COL4A3: variants seen among roughly 807,000 people sequenced by gnomAD.
COL4A3 encodes collagen type IV alpha 3 chain.
A neutral mutation model predicts 217.4 loss-of-function variants in COL4A3; 135 were observed. The observed-to-expected ratio is 0.62, with a 90% CI of 0.54 to 0.72. The LOEUF (loss-of-function observed/expected upper bound fraction) is 0.72. Among genes scored for constraint, COL4A3 ranks in the 30% least tolerant of loss-of-function variants. The probability of loss-of-function intolerance (pLI) is 0.00; values close to 1 mark genes in which losing one functional copy is unlikely to be tolerated. For missense variants in COL4A3, 1,868 were observed against 2,119.9 expected, an observed-to-expected ratio of 0.88 and a Z score of 2.33; for synonymous variants, 690 against 736.3, an observed-to-expected ratio of 0.94 and a Z score of 1.02.
rs2067313782 is a variant in COL4A3 at position 227,211,328 on chromosome 2, T to C, written c.88-26640T>C. Among the ~76,000 whole-genome samples, 4 of 152,220 alleles carry C rather than the reference T, an allele frequency of 2.6e-5. No individual in the cohort carries two copies. In the South Asian group the frequency reaches 8.3e-4, roughly 32 times the overall value. The stretch of plus-strand genomic sequence containing the variant: ...AAAGCTGTAGTTTATTCATTTTCAC[T>C]GCTGTATAACATCCCATCCTATGAA... On this transcript the variant is annotated intron_variant, in intron 1 of 51. Transcript: ENST00000396578.
intron 1 of COL4A3, among the ~76,000 whole-genome samples, chr2:227,170,324 CA>C (rs1469967797): frequency 6.6e-6 from 1 of 151,572 alleles, no homozygotes; most frequent in African/African-American, 2.4e-5. Context: ...CTGTGCTGAC[CA>C]GCTGTATTAA....
At position 227,314,682 on chromosome 2, in the gene COL4A3, ATT is replaced by A. The variant is rs1343407166; in HGVS notation, c.*2813_*2814del. ...ATTTAAAATATATTGAATATTTTAT[ATT>A]GTTATATCCTGACAAGATTATAATA... On this transcript the variant is annotated 3_prime_UTR_variant, in exon 52 of 52. Coordinates refer to ENST00000396578, the MANE Select transcript of COL4A3 (RefSeq NM_000091.5). 4.0e-5 allele frequency: 6 copies of A among 151,712 alleles called. No homozygotes were observed. The highest frequency in any genetic ancestry group is 7.4e-5 in the Non-Finnish European group (5 of 67,966). The allele number at this position is 151,712 out of a possible 1,614,324, so 9.4% of individuals were successfully genotyped here.
intron 1 of COL4A3, among the ~76,000 whole-genome samples, chr2:227,205,741 A>G (rs2067077848): frequency 6.6e-6 from 1 of 151,302 alleles, no homozygotes; most frequent in South Asian, 2.1e-4. Flanking sequence ...TAAGTTCAAA[A>G]TACTCTCTTA....
In COL4A3 at chr2:227,303,051, C is replaced by T; in HGVS notation, c.3896C>T (p.Thr1299Ile). Reference sequence around the variant, plus strand: ...TTTGAAATATAGGGAGCACCAGGTACTCCAGGTCTTCCAGGACCCAGAGGT... The same window carrying T: ...TTTGAAATATAGGGAGCACCAGGTATTCCAGGTCTTCCAGGACCCAGAGGT... ...GPPGRLGAPG[T>I]PGLPGPRGDP... The change falls in exon 44 of 52, where the codon ACT becomes ATT. Residue 1299 changes from threonine (T) to isoleucine (I), a missense_variant. Physicochemically the swap from Thr to Ile is moderately conservative, Grantham distance 89 (BLOSUM62 -1). This residue lies in a region of COL4A3 where 1,503 missense variants were observed against 1,786.1 expected (regional missense o/e 0.84). Transcript: ENST00000396578. The T allele has an allele frequency of 3.1e-6, 5 of 1,613,346 alleles. No homozygotes were observed. The highest frequency in any genetic ancestry group is 4.2e-6 in the Non-Finnish European group (5 of 1,179,296).
At chr2:227,292,317 G>C (rs2072791973) in intron 37 of COL4A3, among the ~76,000 whole-genome samples, 1 of 152,178 alleles carries the variant, frequency 6.6e-6, no homozygotes. Flanking sequence ...AAATGTCTTT[G>C]TTCTTTATAT....
intron 1 of COL4A3, among the ~76,000 whole-genome samples, chr2:227,226,365 G>A (rs72977841): frequency 0.23 from 35,224 of 151,988 alleles, 4,599 homozygotes; most frequent in Non-Finnish European, 0.3. Flanking sequence ...GGGGGTAGGC[G>A]GACAGAAAGA....
At chr2:227,217,321 G>T (rs2067562764) in intron 1 of COL4A3, among the ~76,000 whole-genome samples, 1 of 152,176 alleles carries the variant, frequency 6.6e-6, no homozygotes, top group Non-Finnish European at 1.5e-5. Flanking sequence ...ATGAGATTTG[G>T]GTGGGGACAC....
intron 51 of COL4A3, 72 bp from the exon 52 acceptor site, chr2:227,311,714 A>T: frequency 6.8e-7 from 1 of 1,479,520 alleles, no homozygotes. Flanking sequence ...ATATTCATTA[A>T]TAAAACAAAC....
intron 1 of COL4A3, among the ~76,000 whole-genome samples, chr2:227,172,164 G>A (rs572034956): frequency 8.5e-5 from 13 of 152,190 alleles, no homozygotes; most frequent in South Asian, 2.1e-4. Context: ...AGATCTTATC[G>A]GGAAGATGCT....
At chr2:227,275,507 T>G (rs1451443289) in intron 26 of COL4A3, among the ~76,000 whole-genome samples, 2 of 152,198 alleles carry the variant, frequency 1.3e-5, no homozygotes, top group East Asian at 3.8e-4. Context: ...AGTGTGAATC[T>G]TTACTAAAGG....
chr2:227,169,490 A>G lies in COL4A3; in HGVS notation c.87+4677A>G, dbSNP rs534655759. Among the ~76,000 whole-genome samples, 877 of 151,318 alleles carry G rather than the reference A, an allele frequency of 5.8e-3. 13 individuals carry two copies. Among genetic ancestry groups the G allele is most frequent in the African/African-American group, 0.019 (783 of 41,300 alleles). On this transcript the variant is annotated intron_variant, in intron 1 of 51. Coordinates refer to ENST00000396578, the MANE Select transcript of COL4A3 (RefSeq NM_000091.5). Reference sequence around the variant, plus strand: ...CACTGACTTCCACAATGGTTGAACTAGTTTACAGTCCCACCAACAGTGTAA... The same window carrying G: ...CACTGACTTCCACAATGGTTGAACTGGTTTACAGTCCCACCAACAGTGTAA...
At chr2:227,221,304 T>C (rs1192066740) in intron 1 of COL4A3, 1 of 152,236 alleles carries the variant, frequency 6.6e-6, no homozygotes, top group Non-Finnish European at 1.5e-5. Flanking sequence ...CCAAATCCCA[T>C]AATCCTTCCA....
In COL4A3 at chr2:227,307,751, C is replaced by T. The variant is rs762720289; in HGVS notation, c.4294C>T (p.Arg1432Cys). 6.8e-6 allele frequency: 11 copies of T among 1,614,032 alleles called. 1 individual carries two copies. The highest frequency in any genetic ancestry group is 5.5e-5 in the South Asian group (5 of 91,082). ...TGGATTGCCAGGTTTGAAAGGAAAACGTGGAGACAGTGGATCACCTGCAAC... is the reference window on the plus strand; with the variant it reads ...TGGATTGCCAGGTTTGAAAGGAAAATGTGGAGACAGTGGATCACCTGCAAC... Reference protein sequence around the residue: ...SDGLPGLKGKRGDSGSPATWT... With the variant: ...SDGLPGLKGKCGDSGSPATWT... Residue 1432 changes from arginine (R) to cysteine (C), a missense_variant, in exon 48 of 52, where the codon CGT (arginine) becomes TGT (cysteine). By Grantham distance (180) the Arg-to-Cys change is radical. Around this residue, in one of 2 missense-constraint regions of COL4A3, gnomAD observed 1,503 missense variants for 1,786.1 expected, o/e 0.84. Transcript: ENST00000396578.
chr2:227,212,874 G>A (rs1004945313), intron 1 of COL4A3, among the ~76,000 whole-genome samples: 2 of 152,124 alleles, frequency 1.3e-5, no homozygotes, highest in Non-Finnish European at 2.9e-5. Flanking sequence ...TTTAATGAAA[G>A]CAGTTGAGAG....
At chr2:227,209,638 G>A (rs1282726226) in intron 1 of COL4A3, among the ~76,000 whole-genome samples, 4 of 151,982 alleles carry the variant, frequency 2.6e-5, no homozygotes, top group South Asian at 4.1e-4. Context: ...TCAGGAGTTC[G>A]AGACCAGCCT....
At chr2:227,192,370 G>A (rs1296204969) in intron 1 of COL4A3, among the ~76,000 whole-genome samples, 3 of 152,152 alleles carry the variant, frequency 2.0e-5, no homozygotes, top group East Asian at 3.8e-4. Flanking sequence ...ATGTGGTTTA[G>A]CACACACTAT....
Position 227,259,865 on chromosome 2 carries a change from C to G in COL4A3, c.1102C>G (p.Arg368Gly). Residue 368 changes from arginine to glycine, a missense_variant, in exon 19 of 52, where the codon CGT becomes GGT. Arg to Gly is a moderately radical substitution (Grantham distance 125). Coordinates refer to ENST00000396578, the MANE Select transcript of COL4A3 (RefSeq NM_000091.5). Reference protein sequence around the residue: ...TPGPPGPRGARGPQGPSGPPG... With the variant: ...TPGPPGPRGAGGPQGPSGPPG... ...AGGCCCACCAGGGCCCAGAGGAGCT[C>G]GTGGCCCACAAGGTAAGAATAAATT... The G allele has an allele frequency of 6.2e-7, 1 of 1,612,594 alleles. No individual in the cohort carries two copies. Among genetic ancestry groups the G allele is most frequent in the Non-Finnish European group, 8.5e-7 (1 of 1,178,566 alleles).
chr2:227,270,116 T>TAAATCTGTGAC, intron 24 of COL4A3, 136 bp downstream of exon 24: 2 of 696,232 alleles, frequency 2.9e-6, no homozygotes, highest in Non-Finnish European at 5.2e-6. Flanking sequence ...ATTAAATGAA[T>TAAATCTGTGAC]AAATCTGTGA....
chr2:227,309,373 A>T, intron 50 of COL4A3, 55 bp downstream of exon 50: 2 of 1,351,938 alleles, frequency 1.5e-6, no homozygotes, highest in Non-Finnish European at 2.1e-6. Flanking sequence ...AGAATGTTAC[A>T]TTGTGCTGGG....
Sources: allele counts gnomAD v4.1 joint callset (sites outside exome capture counted in the v4.1 genomes callset), GRCh38; gene constraint gnomAD v4.1.1; regional missense constraint gnomAD v4.1.1; transcripts MANE v1.5; gene names NCBI Gene and HGNC (gene_info 2026-07-23, HGNC 2026-07-21).